ZNF609: variants seen among roughly 807,000 people sequenced by gnomAD.
ZNF609 encodes zinc finger protein 609.
In ZNF609, 11 loss-of-function variants were observed where a neutral mutation model predicts 109.5. The observed-to-expected ratio is 0.10, with a 90% CI of 0.06 to 0.17. ZNF609 has a LOEUF of 0.17. ZNF609 is among the 10% of genes least tolerant of loss of function. The probability of loss-of-function intolerance (pLI) is 1.00; values close to 1 mark genes in which losing one functional copy is unlikely to be tolerated. For synonymous variants in ZNF609, 646 were observed against 662.0 expected (o/e 0.98, Z 0.37); for missense variants, 1,559 against 1,772.4 (o/e 0.88, Z 2.16).
intron 3 of ZNF609, among the ~76,000 whole-genome samples, chr15:64,641,042 T>C (rs1272109530): frequency 2.6e-5 from 4 of 152,142 alleles, no homozygotes; most frequent in Non-Finnish European, 5.9e-5. Flanking sequence ...ACTAGTCCTT[T>C]TCCTGCCTAT....
At chr15:64,659,265 A>G (rs1595755446) in intron 3 of ZNF609, among the ~76,000 whole-genome samples, 1 of 152,188 alleles carries the variant, frequency 6.6e-6, no homozygotes, top group African/African-American at 2.4e-5. Flanking sequence ...ACTGCATTCA[A>G]AACTCGCTGG....
At chr15:64,537,443 G>T (rs1894170922) in intron 2 of ZNF609, among the ~76,000 whole-genome samples, 1 of 150,900 alleles carries the variant, frequency 6.6e-6, no homozygotes, top group South Asian at 2.1e-4. Context: ...GGAGCTTGCG[G>T]TGAGCCGGGG....
intron 2 of ZNF609, among the ~76,000 whole-genome samples, chr15:64,556,945 A>G (rs1391048873): frequency 6.6e-6 from 1 of 152,198 alleles, no homozygotes; most frequent in East Asian, 1.9e-4. Context: ...AACATTAAAG[A>G]TTAAAAACCG....
intron 2 of ZNF609, among the ~76,000 whole-genome samples, chr15:64,555,786 G>A (rs1364784908): frequency 3.3e-5 from 5 of 150,490 alleles, no homozygotes; most frequent in Admixed American, 2.7e-4. Flanking sequence ...GGTGGCTGAG[G>A]CAGGAGAATT....
intron 3 of ZNF609, among the ~76,000 whole-genome samples, chr15:64,655,177 G>GA (rs1362698610): frequency 2.0e-5 from 3 of 149,420 alleles, no homozygotes; most frequent in South Asian, 2.1e-4. Context: ...AAGTTGAGGG[G>GA]AAAAAAAACA....
At chr15:64,506,133 A>G (rs1454500505) in intron 2 of ZNF609, among the ~76,000 whole-genome samples, 1 of 151,914 alleles carries the variant, frequency 6.6e-6, no homozygotes, top group Non-Finnish European at 1.5e-5. Context: ...GAGAAATAGC[A>G]CCTACATAAG....
At chr15:64,460,882 G>A (rs1363751581) in intron 1 of ZNF609, 44 bp downstream of exon 1, 2 of 145,716 alleles carry the variant, frequency 1.4e-5, no homozygotes, top group Admixed American at 6.8e-5. Context: ...GGGGAGGAAA[G>A]AGGCGGCGGC....
intron 2 of ZNF609, among the ~76,000 whole-genome samples, chr15:64,579,689 G>A (rs1386853406): frequency 1.4e-5 from 2 of 141,686 alleles, no homozygotes; most frequent in Non-Finnish European, 3.1e-5. Flanking sequence ...CAGCCTGGGC[G>A]ACACAGGAAA....
intron 3 of ZNF609, among the ~76,000 whole-genome samples, chr15:64,660,456 AAC>A (rs113700109): frequency 0.081 from 12,327 of 152,166 alleles, 781 homozygotes; most frequent in African/African-American, 0.18. Context: ...GTTTTATTGA[AAC>A]ACAACTATGC....
rs778286715 is a variant in ZNF609 at position 64,678,241 on chromosome 15, C to T, written c.3528C>T (p.Asp1176=). 6.2e-7 allele frequency: 1 copy of T among 1,614,208 alleles called. No individual in the cohort carries two copies. The highest frequency in any genetic ancestry group is 1.1e-5 in the South Asian group (1 of 91,084). ...AGGAGGAAAGGAGTCGGAGTAAGGA[C>T]TCTGTCCCCAAGGAAGATGGGAAGG... ...KLKEERSRSK[D]SVPKEDGKES... Residue 1176 remains aspartate (D), a synonymous_variant, in exon 6 of 10, where the codon GAC becomes GAT. Coordinates refer to ENST00000326648, the MANE Select transcript of ZNF609 (RefSeq NM_015042.2).
chr15:64,519,133 CG>C (rs1291689692), intron 2 of ZNF609, among the ~76,000 whole-genome samples: 7 of 6,202 alleles, frequency 1.1e-3, no homozygotes, highest in African/African-American at 6.0e-3. Flanking sequence ...GGGCGGGGGG[CG>C]GGGGCGGGTC....
At chr15:64,504,638 T>G (rs79874394) in intron 2 of ZNF609, among the ~76,000 whole-genome samples, 1 of 144,940 alleles carries the variant, frequency 6.9e-6, no homozygotes, top group South Asian at 2.1e-4. Context: ...CCTGGCTAGT[T>G]TTTTTTTTTT....
chr15:64,535,362 A>AC (rs1336449223), intron 2 of ZNF609, among the ~76,000 whole-genome samples: 6 of 152,158 alleles, frequency 3.9e-5, no homozygotes, highest in Non-Finnish European at 8.8e-5. Context: ...TATAAATTGA[A>AC]TCGTACCATA....
At chr15:64,620,648 G>C (rs1490125617) in intron 2 of ZNF609, among the ~76,000 whole-genome samples, 5 of 152,182 alleles carry the variant, frequency 3.3e-5, no homozygotes, top group African/African-American at 7.2e-5. Context: ...GGAAGTACAA[G>C]GGGTGTGTGT....
At chr15:64,573,121 T>G (rs1287592109) in intron 2 of ZNF609, among the ~76,000 whole-genome samples, 7 of 152,068 alleles carry the variant, frequency 4.6e-5, no homozygotes, top group Non-Finnish European at 7.4e-5. Flanking sequence ...TGAATAAATA[T>G]TTGTAGAATG....
At chr15:64,554,362 C>T (rs1894540810) in intron 2 of ZNF609, among the ~76,000 whole-genome samples, 2 of 152,142 alleles carry the variant, frequency 1.3e-5, no homozygotes, top group Non-Finnish European at 2.9e-5. Flanking sequence ...AGTCTCTTGG[C>T]CTAGCACAGT....
chr15:64,492,564 T>C (rs1893428950), intron 1 of ZNF609, among the ~76,000 whole-genome samples: 1 of 152,206 alleles, frequency 6.6e-6, no homozygotes, highest in Admixed American at 6.5e-5. Flanking sequence ...TTTAAATAAA[T>C]AGAGATGGAG....
At position 64,576,029 on chromosome 15, in the gene ZNF609, G is replaced by A. The variant is rs563796057; in HGVS notation, c.748-46798G>A. Among the ~76,000 whole-genome samples, 127 of 152,290 alleles carry A rather than the reference G, an allele frequency of 8.3e-4. 1 individual carries two copies. Among genetic ancestry groups the A allele is most frequent in the African/African-American group, 2.9e-3 (120 of 41,560 alleles). ...AGGCAGGAGAATGGCACGAACCTGG[G>A]AGGCGGAGCTTGCAGTGAGCCGAGA... On this transcript the variant is annotated intron_variant, in intron 2 of 9. Transcript: ENST00000326648.
chr15:64,603,066 G>A (rs1895530595), intron 2 of ZNF609, among the ~76,000 whole-genome samples: 1 of 151,778 alleles, frequency 6.6e-6, no homozygotes, highest in African/African-American at 2.4e-5. Flanking sequence ...TTTCTTCTGA[G>A]TTCCCATCCT....
Sources: gnomAD v4.1 joint callset for allele counts (sites outside exome capture counted in the v4.1 genomes callset) on GRCh38, gnomAD v4.1.1 for gene constraint, MANE v1.5 for transcripts, NCBI Gene and HGNC (gene_info 2026-07-23, HGNC 2026-07-21) for gene names.